The following TMEM108 variants were observed in gnomAD, a reference collection of about 807,000 sequenced individuals.
TMEM108 encodes cancer/testis antigen 124.
TMEM108 carries 12 observed loss-of-function variants against 35.1 expected under a neutral mutation model. The ratio of observed to expected loss-of-function variants is 0.34; its 90% confidence interval spans 0.22 to 0.55. TMEM108 has a LOEUF of 0.55. Ranked by LOEUF, TMEM108 falls within the 20% of genes least tolerant of loss-of-function variation. TMEM108 has a pLI of 0.89. For missense variants in TMEM108, 680 were observed against 753.3 expected (o/e 0.90, Z 1.14); for synonymous variants, 287 against 308.6 (o/e 0.93, Z 0.73).
intron 3 of TMEM108, among the ~76,000 whole-genome samples, chr3:133,298,751 G>A (rs1372214885): frequency 1.3e-5 from 2 of 152,166 alleles, no homozygotes; most frequent in Non-Finnish European, 2.9e-5. Context: ...ACAGAGTTGT[G>A]AGTGACAGAG....
chr3:133,153,192 A>G (rs1469502675), intron 2 of TMEM108, among the ~76,000 whole-genome samples: 1 of 152,148 alleles, frequency 6.6e-6, no homozygotes, highest in Non-Finnish European at 1.5e-5. Context: ...CTCAGATTTC[A>G]TCTTGGGTCC....
At position 133,380,755 on chromosome 3, in the gene TMEM108, C is replaced by A. The variant is rs1396686036; in HGVS notation, c.1044C>A (p.Thr348=). The change falls in exon 4 of 6, where the codon ACC becomes ACA. Residue 348 remains threonine, a synonymous_variant. Coordinates refer to ENST00000321871, the MANE Select transcript of TMEM108 (RefSeq NM_023943.4). The surrounding 1 kb of genome is among the most constrained non-coding windows in gnomAD (Gnocchi z 5.3). The stretch of plus-strand genomic sequence containing the variant: ...CTGGCACCAGCAGACCTCTGTCTAC[C>A]AGCTCTGGGGTCTTCACGGCTGCCA... ...VTPGTSRPLS[T]SSGVFTAATG... 3 of 1,614,006 alleles carry A rather than the reference C, an allele frequency of 1.9e-6. No homozygotes were observed. The highest frequency in any genetic ancestry group is 2.5e-6 in the Non-Finnish European group (3 of 1,180,022).
At chr3:133,387,632 C>A (rs2073172300) in intron 4 of TMEM108, 1 of 792,182 alleles carries the variant, frequency 1.3e-6, no homozygotes, top group Non-Finnish European at 1.5e-6. Context: ...GGTTTCCATG[C>A]CCCACCTTCT....
At chr3:133,076,080 G>C (rs1397933349) in intron 2 of TMEM108, among the ~76,000 whole-genome samples, 1 of 152,098 alleles carries the variant, frequency 6.6e-6, no homozygotes, top group Non-Finnish European at 1.5e-5. Context: ...TCGAGATTTG[G>C]GTAAGGAGGA....
At chr3:133,070,741 A>ATGTGTGTGTG (rs1354545717) in intron 2 of TMEM108, among the ~76,000 whole-genome samples, 1 of 86,186 alleles carries the variant, frequency 1.2e-5, no homozygotes, top group South Asian at 3.9e-4. Context: ...GCTTTCTCTG[A>ATGTGTGTGTG]TGTATGTGTG....
chr3:133,305,002 G>T (rs1037011691), intron 3 of TMEM108, among the ~76,000 whole-genome samples: 1 of 152,114 alleles, frequency 6.6e-6, no homozygotes, highest in Non-Finnish European at 1.5e-5. Flanking sequence ...AGAATCGCTT[G>T]AGCCTGGGAG....
At chr3:133,364,954 G>A (rs1419280819) in intron 3 of TMEM108, among the ~76,000 whole-genome samples, 1 of 152,224 alleles carries the variant, frequency 6.6e-6, no homozygotes, top group African/African-American at 2.4e-5. Flanking sequence ...GAACTCCAGA[G>A]CTGGGATGGC....
intron 3 of TMEM108, among the ~76,000 whole-genome samples, chr3:133,271,605 G>C (rs897295273): frequency 6.6e-6 from 1 of 152,148 alleles, no homozygotes; most frequent in Non-Finnish European, 1.5e-5. Context: ...GGCTTCACAC[G>C]ATTGCCCAGA....
chr3:133,296,432 A>G (rs1947146148), intron 3 of TMEM108, among the ~76,000 whole-genome samples: 1 of 152,188 alleles, frequency 6.6e-6, no homozygotes, highest in African/African-American at 2.4e-5. Flanking sequence ...TGCACAAAGA[A>G]ATCACATGTT....
At chr3:133,207,491 A>G (rs1200585417) in intron 2 of TMEM108, among the ~76,000 whole-genome samples, 3 of 152,076 alleles carry the variant, frequency 2.0e-5, no homozygotes, top group Non-Finnish European at 4.4e-5. Flanking sequence ...AGTGGCTTAC[A>G]TGTTTGATTT....
chr3:133,370,880 G>GTGTGTT (rs1366466888), intron 3 of TMEM108, among the ~76,000 whole-genome samples: 14 of 99,000 alleles, frequency 1.4e-4, no homozygotes, highest in Non-Finnish European at 2.3e-4. Flanking sequence ...TAGTGTGTGT[G>GTGTGTT]TGTGTGTGTG....
intron 2 of TMEM108, among the ~76,000 whole-genome samples, chr3:133,227,200 T>TC (rs1414999310): frequency 7.0e-6 from 1 of 142,078 alleles, no homozygotes; most frequent in African/African-American, 2.6e-5. Flanking sequence ...TTTTTTTTTT[T>TC]TTTTTTTTTT....
intron 3 of TMEM108, among the ~76,000 whole-genome samples, chr3:133,263,243 A>G (rs1946650639): frequency 1.3e-5 from 2 of 152,216 alleles, no homozygotes; most frequent in African/African-American, 4.8e-5. Context: ...GTGGCAAGTG[A>G]GAAATTAGGT....
At chr3:133,276,426 A>C (rs2107685380) in intron 3 of TMEM108, among the ~76,000 whole-genome samples, 1 of 152,340 alleles carries the variant, frequency 6.6e-6, no homozygotes, top group South Asian at 2.1e-4. Flanking sequence ...CCAAAAAATT[A>C]GGAATGACAA....
At chr3:133,212,866 CA>C (rs61575298) in intron 2 of TMEM108, among the ~76,000 whole-genome samples, 17 of 82,658 alleles carry the variant, frequency 2.1e-4, no homozygotes, top group South Asian at 1.4e-3. Flanking sequence ...GACTCTGTCT[CA>C]AAAAAAAAAA....
chr3:133,269,802 T>C (rs527885669), intron 3 of TMEM108, among the ~76,000 whole-genome samples: 20 of 152,310 alleles, frequency 1.3e-4, no homozygotes, highest in African/African-American at 4.6e-4. Context: ...AAGCTGCTTG[T>C]CACCTATAAA....
intron 5 of TMEM108, among the ~76,000 whole-genome samples, chr3:133,390,920 A>T (rs2073225981): frequency 6.6e-6 from 1 of 152,220 alleles, no homozygotes; most frequent in Non-Finnish European, 1.5e-5. Flanking sequence ...CACTGTCAGC[A>T]TATTTGCCCA....
chr3:133,344,742 T>A (rs777743845), intron 3 of TMEM108, among the ~76,000 whole-genome samples: 2 of 151,768 alleles, frequency 1.3e-5, no homozygotes, highest in African/African-American at 4.8e-5. Context: ...AACAAAAAAA[T>A]TTGGTATGAG....
intron 2 of TMEM108, among the ~76,000 whole-genome samples, chr3:133,219,795 T>C (rs1275832789): frequency 6.6e-6 from 1 of 152,188 alleles, no homozygotes; most frequent in Non-Finnish European, 1.5e-5. Flanking sequence ...AGAATGTGTA[T>C]TCTGCTGCTC....
Sources: allele counts gnomAD v4.1 joint callset (sites outside exome capture counted in the v4.1 genomes callset), GRCh38; gene constraint gnomAD v4.1.1; non-coding constraint Gnocchi (gnomAD v3.1); transcripts MANE v1.5; gene names NCBI Gene and HGNC (gene_info 2026-07-23, HGNC 2026-07-21).